The following PCDHGA2 variants were observed in gnomAD, a reference collection of about 807,000 sequenced individuals.
PCDHGA2 encodes protocadherin gamma-A2.
In PCDHGA2, 40 loss-of-function variants were observed where a neutral mutation model predicts 59.2. That is an observed-to-expected ratio of 0.68 (90% CI 0.52 to 0.88). The LOEUF is 0.88. Among genes scored for constraint, PCDHGA2 ranks in the 40% least tolerant of loss-of-function variants. The pLI, the probability that PCDHGA2 is intolerant of heterozygous loss-of-function variation, is 0.00. For missense variants in PCDHGA2, 1,226 were observed against 1,204.0 expected (o/e 1.02, Z -0.27); for synonymous variants, 560 against 526.0 (o/e 1.06, Z -0.89).
chr5:141,454,874 C>A (rs1002727777), intron 1 of PCDHGA2, among the ~76,000 whole-genome samples: 4 of 123,066 alleles, frequency 3.3e-5, no homozygotes, highest in African/African-American at 1.2e-4. Flanking sequence ...GTGGCACGAT[C>A]TTGGCTCACT....
intron 2 of PCDHGA2, among the ~76,000 whole-genome samples, chr5:141,496,492 C>A (rs2099769172): frequency 6.6e-6 from 1 of 152,186 alleles, no homozygotes; most frequent in Non-Finnish European, 1.5e-5. Context: ...CCAACCAAAC[C>A]CTTGTTGCCA....
chr5:141,385,308 C>A, intron 1 of PCDHGA2: 1 of 1,612,216 alleles, frequency 6.2e-7, no homozygotes, highest in Non-Finnish European at 8.5e-7. Context: ...GTAAAGAAAA[C>A]CTGCCAAGTA....
intron 1 of PCDHGA2, chr5:141,357,784 A>C: frequency 2.4e-6 from 2 of 849,184 alleles, no homozygotes; most frequent in Non-Finnish European, 3.6e-6. Context: ...GATCAACAGT[A>C]TTTACCACAC....
rs762914864 is a variant in PCDHGA2 at position 141,352,412 on chromosome 5, G to T, written c.2424+11017G>T. The T allele has an allele frequency of 1.7e-5, 28 of 1,613,880 alleles. No homozygotes were observed. The highest frequency in any genetic ancestry group is 2.4e-5 in the Non-Finnish European group (28 of 1,179,900). On this transcript the variant is annotated intron_variant, in intron 1 of 3. Coordinates refer to ENST00000394576, the MANE Select transcript of PCDHGA2 (RefSeq NM_018915.4). The stretch of plus-strand genomic sequence containing the variant: ...GCGCCTGCGACGTTCCTCCAGCCTC[G>T]ACACTGAGGGCTGCTTTCAAACCGG...
intron 1 of PCDHGA2, chr5:141,393,354 G>T: frequency 6.2e-7 from 1 of 1,613,944 alleles, no homozygotes; most frequent in African/African-American, 1.3e-5. Flanking sequence ...CTTCTCCCTG[G>T]ACGTGCAGAC....
chr5:141,352,527 C>T, intron 1 of PCDHGA2: 1 of 1,614,016 alleles, frequency 6.2e-7, no homozygotes, highest in Non-Finnish European at 8.5e-7. Flanking sequence ...GCCTCTCATT[C>T]TGCAAAGACA....
intron 1 of PCDHGA2, chr5:141,423,360 G>T (rs762976655): frequency 1.2e-6 from 2 of 1,614,224 alleles, no homozygotes; most frequent in South Asian, 2.2e-5. Context: ...TTGTCATCGT[G>T]CTGCTGGCAC....
chr5:141,340,599 G>A lies in PCDHGA2; in HGVS notation c.1628G>A (p.Ser543Asn). Residue 543 changes from serine to asparagine, a missense_variant, in exon 1 of 4, where the codon AGT (serine) becomes AAT (asparagine). By Grantham distance (46) the Ser-to-Asn change is conservative. Transcript: ENST00000394576. The part of the protein sequence containing the change: ...IARDSGNPPL[S>N]SNVSLSLFVL... ...CGGGACAGCGGGAACCCTCCACTCA[G>A]TAGCAATGTATCATTAAGCCTGTTC... The A allele has an allele frequency of 1.2e-6, 2 of 1,614,212 alleles. No homozygotes were observed. Among genetic ancestry groups the A allele is most frequent in the Middle Eastern group, 1.6e-4 (1 of 6,062 alleles).
chr5:141,380,578 G>A (rs532519748), intron 1 of PCDHGA2, among the ~76,000 whole-genome samples: 19 of 152,144 alleles, frequency 1.2e-4, no homozygotes, highest in African/African-American at 3.4e-4. Flanking sequence ...ATATCTTGGC[G>A]GTCTAGTAAA....
chr5:141,357,246 A>G, intron 1 of PCDHGA2: 1 of 1,613,736 alleles, frequency 6.2e-7, no homozygotes, highest in Non-Finnish European at 8.5e-7. Flanking sequence ...AGCCTTCAGC[A>G]GACCCAGACG....
rs1203945578 is a variant in PCDHGA2 at position 141,512,055 on chromosome 5, T to G, written c.*882T>G. 6.5e-6 allele frequency: 1 copy of G among 152,698 alleles called. No homozygotes were observed. The highest frequency in any genetic ancestry group is 1.5e-5 in the Non-Finnish European group (1 of 68,092). 9.5% of individuals were successfully genotyped at this position (152,698 alleles called of 1,614,324 possible). The stretch of plus-strand genomic sequence containing the variant: ...GAGGCTCTGTATGTCCTCAGGGGAC[T>G]GACAACATCCTCCAGATTCCAGCCA... On this transcript the variant is annotated 3_prime_UTR_variant, in exon 4 of 4. Transcript: ENST00000394576.
chr5:141,398,736 A>G (rs748665574), intron 1 of PCDHGA2: 1 of 1,613,884 alleles, frequency 6.2e-7, no homozygotes, highest in South Asian at 1.1e-5. Context: ...TAGACCGGGA[A>G]CAACAGAGTT....
At chr5:141,427,132 G>T (rs755992698) in intron 1 of PCDHGA2, 1 of 457,106 alleles carries the variant, frequency 2.2e-6, no homozygotes, top group Non-Finnish European at 4.4e-6. Context: ...AAATCCCTAC[G>T]AGATGATATT....
Position 141,340,201 on chromosome 5 carries a change from T to C in PCDHGA2, c.1230T>C (p.Leu410=), listed in dbSNP as rs1756916819. 3 of 1,614,142 alleles carry C rather than the reference T, an allele frequency of 1.9e-6. No homozygotes were observed. The highest frequency in any genetic ancestry group is 1.3e-5 in the African/African-American group (1 of 75,058). Residue 410 remains leucine (L), a synonymous_variant, in exon 1 of 4, where the codon CTT becomes CTC. Transcript: ENST00000394576. ...ACCGACTGGTTACAACCAGAGCCCT[T>C]GACAGGGAACAGTTTTCCTTTTACA... is the stretch of plus-strand genomic sequence containing the variant. The part of the protein sequence containing the change: ...NYYRLVTTRA[L]DREQFSFYNI...
chr5:141,386,345 AG>A (rs2090538065), intron 1 of PCDHGA2, among the ~76,000 whole-genome samples: 1 of 152,200 alleles, frequency 6.6e-6, no homozygotes, highest in Admixed American at 6.5e-5. Context: ...GTGGATGACA[AG>A]GTAATCTTGA....
intron 1 of PCDHGA2, chr5:141,399,869 G>A: frequency 1.2e-6 from 2 of 1,612,822 alleles, no homozygotes; most frequent in Non-Finnish European, 8.5e-7. Context: ...GCAGAGCCCG[G>A]CTACCTGGTG....
At chr5:141,433,546 T>C (rs1317735935) in intron 1 of PCDHGA2, among the ~76,000 whole-genome samples, 1 of 152,090 alleles carries the variant, frequency 6.6e-6, no homozygotes, top group Non-Finnish European at 1.5e-5. Context: ...TATCAGATAT[T>C]CTTTTCTGGC....
intron 1 of PCDHGA2, chr5:141,342,634 T>C (rs1002353484): frequency 5.3e-5 from 8 of 152,254 alleles, no homozygotes; most frequent in South Asian, 2.1e-4. Flanking sequence ...TAATATGTCA[T>C]AATAGCTTTA....
chr5:141,387,491 A>C (rs1049616816), intron 1 of PCDHGA2, among the ~76,000 whole-genome samples: 1 of 152,240 alleles, frequency 6.6e-6, no homozygotes, highest in African/African-American at 2.4e-5. Flanking sequence ...GGCATTCCTA[A>C]GAGTACATTT....
Sources: gnomAD v4.1 joint callset for allele counts (sites outside exome capture counted in the v4.1 genomes callset) on GRCh38, gnomAD v4.1.1 for gene constraint, MANE v1.5 for transcripts, NCBI Gene and HGNC (gene_info 2026-07-23, HGNC 2026-07-21) for gene names.